Variants in NMT1 observed in about 807,000 individuals in gnomAD.
The protein encoded by NMT1 is N-myristoyltransferase 1.
In NMT1, 12 loss-of-function variants were observed where a neutral mutation model predicts 63.4. That is an observed-to-expected ratio of 0.19 (90% CI 0.12 to 0.31). NMT1 has a LOEUF of 0.31. Ranked by LOEUF, NMT1 falls within the 10% of genes least tolerant of loss-of-function variation. NMT1 has a pLI of 1.00. For synonymous variants in NMT1, 228 were observed against 234.3 expected, an observed-to-expected ratio of 0.97 and a Z score of 0.25; for missense variants, 432 against 634.6, an observed-to-expected ratio of 0.68 and a Z score of 3.43.
At position 45,105,498 on chromosome 17, in the gene NMT1, G is replaced by A; in HGVS notation, c.1471-121G>A. 1 of 1,063,538 alleles carries A rather than the reference G, an allele frequency of 9.4e-7. No individual in the cohort carries two copies. Among genetic ancestry groups the A allele is most frequent in the Non-Finnish European group, 1.4e-6 (1 of 693,488 alleles). The allele number at this position is 1,063,538 out of a possible 1,614,324, so 65.9% of individuals were successfully genotyped here. A position where few individuals can be genotyped will look rare whatever the true frequency, so the allele number is the denominator to read the frequency against. On this transcript the variant is annotated intron_variant, in intron 11 of 11. Transcript: ENST00000258960. The surrounding 1 kb of genome is among the most constrained non-coding windows in gnomAD (Gnocchi z 4.2). ...TGTGGGGCCGGCTGGGTGTGAGTCTGCTCCCACAGCACAGGCGGTGGACCC... is the reference window on the plus strand; with the variant it reads ...TGTGGGGCCGGCTGGGTGTGAGTCTACTCCCACAGCACAGGCGGTGGACCC...
rs1430326764 is a variant in NMT1, at chr17:45,092,828, CTGGGT to C, written c.386-853_386-849del. On this transcript the variant is annotated intron_variant, in intron 3 of 11. Transcript: ENST00000258960. ...GAGCCCTTTGCTAGGAACACTGTTA[CTGGGT>C]TGGTCCCTTTTGAAGACTCCATTTT... Among the ~76,000 whole-genome samples the C allele has an allele frequency of 3.3e-5, 5 of 152,252 alleles. No individual in the cohort carries two copies. The East Asian group carries it at 9.6e-4, about 29-fold the overall frequency.
At chr17:45,083,345 T>G in intron 2 of NMT1, among the ~76,000 whole-genome samples, 1 of 151,170 alleles carries the variant, frequency 6.6e-6, no homozygotes, top group Non-Finnish European at 1.5e-5. Flanking sequence ...TAAAAAAAAA[T>G]TTAAAAAAAG....
chr17:45,097,327 G>A (rs1311956303), intron 6 of NMT1, 83 bp downstream of exon 6: 9 of 1,067,698 alleles, frequency 8.4e-6, no homozygotes, highest in Non-Finnish European at 1.3e-5. Context: ...GCTGCACAAT[G>A]TGCCCCATGA....
chr17:45,085,606 A>G (rs899395375), intron 2 of NMT1, among the ~76,000 whole-genome samples: 2 of 151,992 alleles, frequency 1.3e-5, no homozygotes, highest in African/African-American at 4.8e-5. Context: ...TTTACTTTCT[A>G]TGTGTCTTAC....
At position 45,093,717 on chromosome 17, in the gene NMT1, C is replaced by T. The variant is rs758111913; in HGVS notation, c.418C>T (p.Pro140Ser). ...EVVNTHGPVE[P>S]DKDNIRQEPY... is the part of the protein sequence containing the mutation. ...GGTGAACACCCATGGCCCCGTGGAG[C>T]CTGACAAGGACAATATCCGCCAGGA... is the stretch of plus-strand genomic sequence containing the variant. The change falls in exon 4 of 12, where the codon CCT (proline) becomes TCT (serine). Residue 140 changes from proline (P) to serine (S), a missense_variant. Transcript: ENST00000258960. The T allele has an allele frequency of 6.2e-7, 1 of 1,614,220 alleles. No homozygotes were observed. Among genetic ancestry groups the T allele is most frequent in the South Asian group, 1.1e-5 (1 of 91,090 alleles).
intron 1 of NMT1, among the ~76,000 whole-genome samples, chr17:45,066,203 A>G (rs984147696): frequency 6.6e-6 from 1 of 151,970 alleles, no homozygotes; most frequent in African/African-American, 2.4e-5. Context: ...ACAGGAGCAC[A>G]CTGCCACACC....
intron 1 of NMT1, among the ~76,000 whole-genome samples, chr17:45,079,151 C>T (rs2053996513): frequency 6.7e-6 from 1 of 149,614 alleles, no homozygotes; most frequent in South Asian, 2.1e-4. Flanking sequence ...TCGCCCAGAG[C>T]TGGAGTGCAA....
intron 3 of NMT1, among the ~76,000 whole-genome samples, chr17:45,092,919 C>G (rs1403838869): frequency 6.6e-6 from 1 of 152,118 alleles, no homozygotes; most frequent in East Asian, 1.9e-4. Context: ...CATTGTAGAA[C>G]CGAAATCATC....
chr17:45,075,580 G>A (rs540254583), intron 1 of NMT1, among the ~76,000 whole-genome samples: 38 of 152,112 alleles, frequency 2.5e-4, no homozygotes, highest in African/African-American at 8.4e-4. Context: ...AGGAGTTCAA[G>A]ACCAGCCTGG....
intron 2 of NMT1, among the ~76,000 whole-genome samples, chr17:45,082,395 C>T (rs1043432267): frequency 1.3e-5 from 2 of 152,024 alleles, no homozygotes; most frequent in African/African-American, 2.4e-5. Context: ...GGATTACAAG[C>T]GTGAGCCACT....
chr17:45,096,545 T>C (rs1485353429), intron 5 of NMT1, among the ~76,000 whole-genome samples: 1 of 152,180 alleles, frequency 6.6e-6, no homozygotes, highest in Non-Finnish European at 1.5e-5. Flanking sequence ...CTGGTGACTT[T>C]ATATAAGAAA....
intron 1 of NMT1, among the ~76,000 whole-genome samples, chr17:45,064,934 T>C (rs1392922694): frequency 6.6e-6 from 1 of 152,144 alleles, no homozygotes; most frequent in Non-Finnish European, 1.5e-5. Flanking sequence ...AATGCACTCC[T>C]TTTCCTCCCT....
At chr17:45,096,050 G>A in intron 4 of NMT1, 144 bp from the exon 5 acceptor site, 1 of 645,470 alleles carries the variant, frequency 1.5e-6, no homozygotes. Context: ...TTCCTACCAT[G>A]CCAGGGGGCA....
intron 5 of NMT1, 65 bp from the exon 6 acceptor site, chr17:45,097,063 G>A: frequency 7.3e-7 from 1 of 1,369,162 alleles, no homozygotes; most frequent in Non-Finnish European, 1.0e-6. Context: ...ATTTGGCTGT[G>A]GAGCCCAAGC....
At chr17:45,088,931 G>GACAA (rs1211818788) in intron 3 of NMT1, among the ~76,000 whole-genome samples, 1 of 152,222 alleles carries the variant, frequency 6.6e-6, no homozygotes, top group Non-Finnish European at 1.5e-5. Context: ...CTGACACTTT[G>GACAA]AGGAAGGAGG....
At chr17:45,096,166 T>A in intron 4 of NMT1, 28 bp from the exon 5 acceptor site, 1 of 1,558,746 alleles carries the variant, frequency 6.4e-7, no homozygotes, top group Non-Finnish European at 8.8e-7. Context: ...GCAGAATACC[T>A]CCAAGTGAGC....
chr17:45,077,311 A>G (rs2053984661), intron 1 of NMT1, among the ~76,000 whole-genome samples: 1 of 152,176 alleles, frequency 6.6e-6, no homozygotes, highest in Non-Finnish European at 1.5e-5. Context: ...TTGTTCCATA[A>G]GCTGTTATGA....
intron 1 of NMT1, among the ~76,000 whole-genome samples, chr17:45,069,353 G>A (rs1013009682): frequency 2.0e-5 from 3 of 151,802 alleles, no homozygotes; most frequent in East Asian, 1.9e-4. Context: ...GTGCAGTGGC[G>A]TGATCTTGGC....
At chr17:45,062,722 A>G (rs2053873649) in intron 1 of NMT1, among the ~76,000 whole-genome samples, 1 of 152,186 alleles carries the variant, frequency 6.6e-6, no homozygotes, top group Non-Finnish European at 1.5e-5. Flanking sequence ...TAGCCTAGGC[A>G]TTTAGTAGGC....
Sources: gnomAD v4.1 joint callset for allele counts (sites outside exome capture counted in the v4.1 genomes callset) on GRCh38, gnomAD v4.1.1 for gene constraint, Gnocchi (gnomAD v3.1) non-coding constraint, MANE v1.5 for transcripts, NCBI Gene and HGNC (gene_info 2026-07-23, HGNC 2026-07-21) for gene names.